Variants in CSRNP3 observed in about 807,000 individuals in gnomAD.
CSRNP3 encodes the protein cysteine and serine rich nuclear protein 3.
In CSRNP3, 12 loss-of-function variants were observed where a neutral mutation model predicts 48.0. That is an observed-to-expected ratio of 0.25 (90% confidence interval 0.16 to 0.41). The LOEUF (loss-of-function observed/expected upper bound fraction) is 0.41. Ranked by LOEUF, CSRNP3 falls within the 10% of genes least tolerant of loss-of-function variation. The pLI, the probability that CSRNP3 is intolerant of heterozygous loss-of-function variation, is 1.00. For synonymous variants in CSRNP3, 263 were observed against 269.7 expected, an observed-to-expected ratio of 0.98 and a Z score of 0.24; for missense variants, 580 against 724.4, an observed-to-expected ratio of 0.80 and a Z score of 2.29.
At chr2:165,490,966 A>G (rs1684197826) in intron 1 of CSRNP3, among the ~76,000 whole-genome samples, 1 of 140,088 alleles carries the variant, frequency 7.1e-6, no homozygotes, top group Non-Finnish European at 1.6e-5. Flanking sequence ...ATTTAAACTA[A>G]AGAGCTTCTG....
At chr2:165,665,901 G>A (rs988017248) in intron 5 of CSRNP3, among the ~76,000 whole-genome samples, 10 of 147,454 alleles carry the variant, frequency 6.8e-5, no homozygotes, top group Admixed American at 2.0e-4. Context: ...AGGAGGGAGG[G>A]AAGGAAGCAA....
At chr2:165,673,273 G>A (rs114383178) in intron 5 of CSRNP3, among the ~76,000 whole-genome samples, 616 of 150,474 alleles carry the variant, frequency 4.1e-3, no homozygotes, top group Non-Finnish European at 5.7e-3. Context: ...GAGTAGCTGT[G>A]ATTACAGGTG....
intron 4 of CSRNP3, among the ~76,000 whole-genome samples, chr2:165,630,809 A>G (rs746159486): frequency 6.6e-6 from 1 of 152,188 alleles, no homozygotes; most frequent in East Asian, 1.9e-4. Flanking sequence ...GACGTGTTCA[A>G]AGTTAGTTCT....
intron 5 of CSRNP3, among the ~76,000 whole-genome samples, chr2:165,669,648 A>C (rs1687295552): frequency 6.6e-6 from 1 of 152,192 alleles, no homozygotes; most frequent in Non-Finnish European, 1.5e-5. Context: ...TTATCAGTGC[A>C]TACGAATCTG....
At chr2:165,506,902 AGAC>A (rs1387042903) in intron 2 of CSRNP3, among the ~76,000 whole-genome samples, 3 of 152,178 alleles carry the variant, frequency 2.0e-5, no homozygotes, top group Non-Finnish European at 4.4e-5. Context: ...ACAAGAAAGG[AGAC>A]ATGGAATATA....
At chr2:165,510,341 T>G (rs1278376759) in intron 2 of CSRNP3, among the ~76,000 whole-genome samples, 1 of 152,150 alleles carries the variant, frequency 6.6e-6, no homozygotes. Flanking sequence ...GTTTACTCAG[T>G]CATTTATTTA....
chr2:165,556,053 C>G (rs932703334), intron 3 of CSRNP3, among the ~76,000 whole-genome samples: 3 of 152,038 alleles, frequency 2.0e-5, no homozygotes, highest in Admixed American at 6.5e-5. Flanking sequence ...AAAGGGGCAC[C>G]AATGACTAGA....
At position 165,506,883 on chromosome 2, in the gene CSRNP3, G is replaced by T. The variant is rs557081489; in HGVS notation, c.-112-10990G>T. Among the ~76,000 whole-genome samples the T allele has an allele frequency of 2.0e-5, 3 of 152,120 alleles. No homozygotes were observed. The South Asian group carries it at 6.2e-4, about 32-fold the overall frequency. ...TGACTGTCTCATTCATTTCTCCCTT[G>T]TAGTGGTAACAAGAAAGGAGACATG... is the stretch of plus-strand genomic sequence containing the variant. On this transcript the variant is annotated intron_variant, in intron 2 of 6. Transcript: ENST00000651982.
intron 3 of CSRNP3, among the ~76,000 whole-genome samples, chr2:165,576,945 G>A (rs980955168): frequency 3.3e-5 from 5 of 151,958 alleles, no homozygotes; most frequent in Non-Finnish European, 7.4e-5. Context: ...TTACCAGTCT[G>A]TCTTTGTCAT....
chr2:165,644,982 CCTT>C (rs1385802381), intron 4 of CSRNP3, among the ~76,000 whole-genome samples: 1 of 152,046 alleles, frequency 6.6e-6, no homozygotes, highest in Non-Finnish European at 1.5e-5. Flanking sequence ...GATGGCACCT[CCTT>C]GCTGTGTCCT....
At chr2:165,566,538 G>C (rs895820238) in intron 3 of CSRNP3, among the ~76,000 whole-genome samples, 5 of 151,758 alleles carry the variant, frequency 3.3e-5, no homozygotes, top group African/African-American at 1.2e-4. Context: ...TAGGCTTGTT[G>C]TGATGGTTTT....
chr2:165,612,678 T>TA (rs1686159161), intron 4 of CSRNP3, among the ~76,000 whole-genome samples: 1 of 151,906 alleles, frequency 6.6e-6, no homozygotes, highest in African/African-American at 2.4e-5. Flanking sequence ...ACATGAGTGG[T>TA]ATTTGTCTTC....
At chr2:165,515,801 C>CTTTT (rs532831528) in intron 2 of CSRNP3, among the ~76,000 whole-genome samples, 273 of 105,966 alleles carry the variant, frequency 2.6e-3, no homozygotes, top group Non-Finnish European at 4.0e-3. Flanking sequence ...CTTTTCCTTT[C>CTTTT]TTTTTTTTTT....
At chr2:165,498,261 G>A (rs1176378270) in intron 2 of CSRNP3, among the ~76,000 whole-genome samples, 4 of 152,072 alleles carry the variant, frequency 2.6e-5, no homozygotes, top group Non-Finnish European at 1.5e-5. Flanking sequence ...AAGTAGGTGA[G>A]ATGAAGTATG....
intron 4 of CSRNP3, among the ~76,000 whole-genome samples, chr2:165,598,876 G>C (rs1359340828): frequency 6.6e-6 from 1 of 152,084 alleles, no homozygotes; most frequent in African/African-American, 2.4e-5. Flanking sequence ...ATTAGGAAGA[G>C]AGACATAAAG....
chr2:165,503,656 A>G (rs1046386418), intron 2 of CSRNP3, among the ~76,000 whole-genome samples: 14 of 152,058 alleles, frequency 9.2e-5, no homozygotes, highest in African/African-American at 3.4e-4. Flanking sequence ...AGATTAATTT[A>G]GGCAACACAT....
chr2:165,480,162 G>A (rs1400749857), intron 1 of CSRNP3, among the ~76,000 whole-genome samples: 2 of 152,128 alleles, frequency 1.3e-5, no homozygotes, highest in Non-Finnish European at 2.9e-5. Flanking sequence ...CTTCACGTCA[G>A]CCACAGAGAA....
At chr2:165,501,705 C>G (rs1684361235) in intron 2 of CSRNP3, among the ~76,000 whole-genome samples, 1 of 152,044 alleles carries the variant, frequency 6.6e-6, no homozygotes, top group South Asian at 2.1e-4. Flanking sequence ...AAAAAAGATT[C>G]AATTGATGAA....
intron 3 of CSRNP3, among the ~76,000 whole-genome samples, chr2:165,562,256 C>T (rs1685244569): frequency 6.6e-6 from 1 of 152,104 alleles, no homozygotes; most frequent in Non-Finnish European, 1.5e-5. Context: ...TGAAGCACAT[C>T]TCTTCTGCAT....
Sources: allele counts gnomAD v4.1 joint callset (sites outside exome capture counted in the v4.1 genomes callset), GRCh38; gene constraint gnomAD v4.1.1; transcripts MANE v1.5; gene names NCBI Gene and HGNC (gene_info 2026-07-23, HGNC 2026-07-21).